Variants in DTWD2 observed in about 807,000 individuals in gnomAD.
The protein encoded by DTWD2 is tRNA-uridine aminocarboxypropyltransferase 2.
DTWD2 carries 39 observed loss-of-function variants against 31.8 expected under a neutral mutation model. The ratio of observed to expected loss-of-function variants is 1.22; its 90% CI spans 0.95 to 1.60. DTWD2 has a LOEUF of 1.60. Ranked by LOEUF, DTWD2 falls within the 40% of genes most tolerant of loss-of-function variation. DTWD2 has a pLI of 0.00. For synonymous variants in DTWD2, 180 were observed against 142.8 expected (o/e 1.26, Z -1.86); for missense variants, 515 against 381.5 (o/e 1.35, Z -2.92).
intron 3 of DTWD2, among the ~76,000 whole-genome samples, chr5:118,931,340 A>C (rs548284914): frequency 6.7e-6 from 1 of 148,790 alleles, no homozygotes; most frequent in South Asian, 2.2e-4. Context: ...GGCTACAGTG[A>C]GTGAACCATG....
intron 4 of DTWD2, among the ~76,000 whole-genome samples, chr5:118,850,621 C>T (rs917134180): frequency 1.3e-5 from 2 of 149,340 alleles, no homozygotes; most frequent in African/African-American, 2.5e-5. Context: ...GAATTTATTA[C>T]TAAGTCCTCA....
intron 4 of DTWD2, among the ~76,000 whole-genome samples, chr5:118,878,692 A>G (rs950753044): frequency 1.3e-5 from 2 of 152,226 alleles, no homozygotes; most frequent in Non-Finnish European, 1.5e-5. Context: ...GAGTTTCTGC[A>G]TAGTAAAAGA....
chr5:118,856,172 A>C (rs1274071946), intron 4 of DTWD2, among the ~76,000 whole-genome samples: 1 of 152,186 alleles, frequency 6.6e-6, no homozygotes, highest in Non-Finnish European at 1.5e-5. Flanking sequence ...CCATTACTCT[A>C]AATTTTTAAT....
chr5:118,859,374 T>C (rs1180785649), intron 4 of DTWD2, among the ~76,000 whole-genome samples: 1 of 152,198 alleles, frequency 6.6e-6, no homozygotes, highest in Non-Finnish European at 1.5e-5. Context: ...TCACTTATTT[T>C]TAAAGTATCA....
At chr5:118,848,339 G>A (rs1751910253) in intron 4 of DTWD2, 121 bp from the exon 5 acceptor site, 2 of 812,068 alleles carry the variant, frequency 2.5e-6, no homozygotes, top group Non-Finnish European at 3.7e-6. Flanking sequence ...TACTAAATGT[G>A]TCAATATCTT....
rs576505905 is a variant in DTWD2, at chr5:118,894,217, G to A, written c.597+34320C>T. Among the ~76,000 whole-genome samples, 66 of 152,094 alleles carry A rather than the reference G, an allele frequency of 4.3e-4. 1 individual carries two copies. In the South Asian group the frequency reaches 0.013, roughly 31 times the overall value. On this transcript the variant is annotated intron_variant, in intron 4 of 5. Coordinates refer to ENST00000510708, the MANE Select transcript of DTWD2 (RefSeq NM_173666.4). ...CACTTTTAAACTCTGATAGAAGAGC[G>A]ACCCTTCTAAAATGTAAATCTGATT... is the stretch of plus-strand genomic sequence containing the variant.
At chr5:118,930,817 AAC>A (rs138085161) in intron 3 of DTWD2, among the ~76,000 whole-genome samples, 3,270 of 152,258 alleles carry the variant, frequency 0.021, 121 homozygotes, top group African/African-American at 0.074. Flanking sequence ...AATCAATAGA[AAC>A]ACAGAGTAGA....
At chr5:118,933,142 A>G (rs929628621) in intron 3 of DTWD2, among the ~76,000 whole-genome samples, 13 of 152,198 alleles carry the variant, frequency 8.5e-5, no homozygotes, top group Non-Finnish European at 1.3e-4. Flanking sequence ...GAAAAGCTCT[A>G]TGTCTATTAA....
chr5:118,850,037 G>GA (rs1369483086), intron 4 of DTWD2, among the ~76,000 whole-genome samples: 6 of 149,638 alleles, frequency 4.0e-5, no homozygotes, highest in East Asian at 1.9e-4. Flanking sequence ...AAAAGAAAAT[G>GA]AAAAAAAATA....
At chr5:118,920,399 G>T (rs939641288) in intron 4 of DTWD2, among the ~76,000 whole-genome samples, 31 of 152,006 alleles carry the variant, frequency 2.0e-4, no homozygotes, top group African/African-American at 7.5e-4. Context: ...ACTTTTGGAA[G>T]CAAACACAAC....
intron 1 of DTWD2, among the ~76,000 whole-genome samples, chr5:118,950,213 CAAAAAAAA>C (rs764214153): frequency 8.1e-5 from 4 of 49,606 alleles, no homozygotes; most frequent in Admixed American, 2.6e-4. Context: ...ACTCCATCTC[CAAAAAAAA>C]AAAAAAAAAA....
intron 3 of DTWD2, among the ~76,000 whole-genome samples, chr5:118,930,856 C>T (rs73239070): frequency 0.04 from 6,078 of 151,882 alleles, 405 homozygotes; most frequent in African/African-American, 0.14. Flanking sequence ...ACTGGGAAGG[C>T]GCAGGGAGTT....
At chr5:118,926,437 G>C (rs1753810264) in intron 4 of DTWD2, among the ~76,000 whole-genome samples, 1 of 152,128 alleles carries the variant, frequency 6.6e-6, no homozygotes, top group African/African-American at 2.4e-5. Context: ...ATTCGGTACA[G>C]TGTACACTGC....
intron 1 of DTWD2, chr5:118,988,077 T>C (rs962068359): frequency 3.5e-5 from 25 of 720,352 alleles, no homozygotes; most frequent in Admixed American, 1.0e-4. Flanking sequence ...ACGCTCAGCA[T>C]ATTGCAGGAA....
At chr5:118,857,668 CATA>C (rs1346501508) in intron 4 of DTWD2, among the ~76,000 whole-genome samples, 1 of 152,116 alleles carries the variant, frequency 6.6e-6, no homozygotes, top group Non-Finnish European at 1.5e-5. Context: ...TACTGCTTTT[CATA>C]TTGTGTTTAA....
At chr5:118,864,258 T>C (rs974011246) in intron 4 of DTWD2, among the ~76,000 whole-genome samples, 1 of 150,272 alleles carries the variant, frequency 6.7e-6, no homozygotes, top group Non-Finnish European at 1.5e-5. Flanking sequence ...GAAATTATCA[T>C]TCTCAGTAAA....
At chr5:118,945,089 C>T (rs1030589760) in intron 1 of DTWD2, among the ~76,000 whole-genome samples, 29 of 152,158 alleles carry the variant, frequency 1.9e-4, no homozygotes, top group African/African-American at 6.0e-4. Context: ...GAGAAAAACA[C>T]TAATCAAACT....
At chr5:118,850,841 A>G (rs1348458383) in intron 4 of DTWD2, among the ~76,000 whole-genome samples, 3 of 152,336 alleles carry the variant, frequency 2.0e-5, no homozygotes. Context: ...GAACCCCATT[A>G]AAATGTGGGC....
chr5:118,898,030 A>AT (rs1265669108), intron 4 of DTWD2, among the ~76,000 whole-genome samples: 1 of 151,886 alleles, frequency 6.6e-6, no homozygotes, highest in East Asian at 1.9e-4. Flanking sequence ...TGCCCAGCTA[A>AT]TTTTTTAAAC....
Sources: allele counts gnomAD v4.1 joint callset (sites outside exome capture counted in the v4.1 genomes callset), GRCh38; gene constraint gnomAD v4.1.1; transcripts MANE v1.5; gene names NCBI Gene and HGNC (gene_info 2026-07-23, HGNC 2026-07-21).